Variants in IL13 observed in about 807,000 individuals in gnomAD.
IL13 encodes interleukin 13, also known as interleukin-13.
Under a neutral mutation model 11.1 loss-of-function variants are expected in IL13, and 9 were observed. That is an observed-to-expected ratio of 0.81 (90% CI 0.49 to 1.42). The LOEUF is 1.42. Among genes scored for constraint, IL13 ranks in the 40% most tolerant of loss-of-function variants. The pLI is 0.00. For synonymous variants in IL13, 75 were observed against 76.9 expected (o/e 0.97, Z 0.13); for missense variants, 181 against 182.5 (o/e 0.99, Z 0.05).
chr5:132,658,684 T>C (rs1459042816), intron 1 of IL13: 3 of 278,888 alleles, frequency 1.1e-5, no homozygotes, highest in African/African-American at 4.4e-5. Flanking sequence ...CCCAGAACCA[T>C]GTGGCATTTG....
rs200247901 is a variant in IL13 at position 132,660,267 on chromosome 5, G to A, written c.426G>A (p.Glu142=). 1 of 1,614,024 alleles carries A rather than the reference G, an allele frequency of 6.2e-7. No homozygotes were observed. The highest frequency in any genetic ancestry group is 2.2e-5 in the East Asian group (1 of 44,892). ...TACATTTAAAGAAACTTTTTCGCGAGGGACAGTTCAACTGAAACTTCGAAA... is the reference window on the plus strand; with the variant it reads ...TACATTTAAAGAAACTTTTTCGCGAAGGACAGTTCAACTGAAACTTCGAAA... ...LLLHLKKLFR[E]GQFN The change falls in exon 4 of 4, where the codon GAG becomes GAA. Residue 142 remains glutamate, a synonymous_variant. Coordinates refer to ENST00000304506, the MANE Select transcript of IL13 (RefSeq NM_002188.3).
At position 132,660,618 on chromosome 5, in the gene IL13, G is replaced by T. The variant is rs1752137188; in HGVS notation, c.*336G>T. On this transcript the variant is annotated 3_prime_UTR_variant, in exon 4 of 4. Transcript: ENST00000304506. ...CCCTTGCCAGACATGTGGTGGGACAGGGACCCACTTCACACACAGGCAACT... is the reference window on the plus strand; with the variant it reads ...CCCTTGCCAGACATGTGGTGGGACATGGACCCACTTCACACACAGGCAACT... 1.3e-5 allele frequency: 3 copies of T among 238,130 alleles called. 1 individual carries two copies. The Admixed American group carries it at 1.5e-4, about 12-fold the overall frequency. 14.8% of individuals were successfully genotyped at this position (238,130 alleles called of 1,614,324 possible). A position where few individuals can be genotyped will look rare whatever the true frequency, so the allele number is the denominator to read the frequency against.
In IL13 at chr5:132,659,193, T is replaced by C. The variant is rs1196716324; in HGVS notation, c.175-225T>C. 9.3e-6 allele frequency: 5 copies of C among 536,342 alleles called. No individual in the cohort carries two copies. The South Asian group carries it at 1.0e-4, about 11-fold the overall frequency. The allele number at this position is 536,342 out of a possible 1,614,324, so 33.2% of individuals were successfully genotyped here. On this transcript the variant is annotated intron_variant, in intron 1 of 3. Transcript: ENST00000304506. The surrounding 1 kb of genome is among the most constrained non-coding windows in gnomAD (Gnocchi z 4.1). ...GCTTGTCCCTTACTAGTGGTGTCAATTTTTTTCTCTCAGCTCCAAGACCCT... is the reference window on the plus strand; with the variant it reads ...GCTTGTCCCTTACTAGTGGTGTCAACTTTTTTCTCTCAGCTCCAAGACCCT...
chr5:132,658,482 G>A (rs1047967775), intron 1 of IL13, 122 bp downstream of exon 1: 3 of 607,360 alleles, frequency 4.9e-6, no homozygotes, highest in African/African-American at 1.9e-5. Context: ...AAATCTCCAT[G>A]GACCAAGGCC....
At position 132,660,544 on chromosome 5, in the gene IL13, A is replaced by C; in HGVS notation, c.*262A>C. ...GTGGACCCAGGGATGACATGTCCCTACACCCCTCCCCTGCCCTAGAGCACA... is the reference window on the plus strand; with the variant it reads ...GTGGACCCAGGGATGACATGTCCCTCCACCCCTCCCCTGCCCTAGAGCACA... On this transcript the variant is annotated 3_prime_UTR_variant, in exon 4 of 4. Coordinates refer to ENST00000304506, the MANE Select transcript of IL13 (RefSeq NM_002188.3). The C allele has an allele frequency of 4.5e-6, 2 of 446,516 alleles. No individual in the cohort carries two copies. Among genetic ancestry groups the C allele is most frequent in the South Asian group, 4.6e-5 (2 of 43,328 alleles). 27.7% of individuals were successfully genotyped at this position (446,516 alleles called of 1,614,324 possible).
In IL13 at chr5:132,659,775, G is replaced by C; in HGVS notation, c.280G>C (p.Glu94Gln). Residue 94 changes from glutamate to glutamine, a missense_variant, in exon 3 of 4, where the codon GAG becomes CAG. Coordinates refer to ENST00000304506, the MANE Select transcript of IL13 (RefSeq NM_002188.3). This position sits in a 1 kb window ranked among gnomAD's most constrained non-coding sequence, Gnocchi z 4.1. The part of the protein sequence containing the change: ...LINVSGCSAI[E>Q]KTQRMLSGFC... ...CAACGTGTCAGGCTGCAGTGCCATC[G>C]AGAAGACCCAGAGGATGCTGAGCGG... 1.9e-6 allele frequency: 3 copies of C among 1,613,970 alleles called. No homozygotes were observed. Among genetic ancestry groups the C allele is most frequent in the Non-Finnish European group, 2.5e-6 (3 of 1,180,020 alleles).
intron 1 of IL13, 128 bp downstream of exon 1, chr5:132,658,488 A>C (rs1752083219): frequency 5.1e-6 from 3 of 593,516 alleles, no homozygotes; most frequent in South Asian, 2.2e-5. Flanking sequence ...CCATGGACCA[A>C]GGCCCGGCCC....
Position 132,660,295 on chromosome 5 carries a change from A to T in IL13, c.*13A>T. ...ACAGTTCAACTGAAACTTCGAAAGC[A>T]TCATTATTTGCAGAGACAGGACCTG... is the stretch of plus-strand genomic sequence containing the variant. On this transcript the variant is annotated 3_prime_UTR_variant, in exon 4 of 4. Transcript: ENST00000304506. The T allele has an allele frequency of 6.2e-7, 1 of 1,613,084 alleles. No individual in the cohort carries two copies. The highest frequency in any genetic ancestry group is 8.5e-7 in the Non-Finnish European group (1 of 1,179,812).
In IL13 at chr5:132,660,479, T is replaced by G; in HGVS notation, c.*197T>G. 1.1e-6 allele frequency: 1 copy of G among 920,612 alleles called. No homozygotes were observed. The highest frequency in any genetic ancestry group is 1.5e-6 in the Non-Finnish European group (1 of 650,494). The allele number at this position is 920,612 out of a possible 1,614,324, so 57.0% of individuals were successfully genotyped here. On this transcript the variant is annotated 3_prime_UTR_variant, in exon 4 of 4. Coordinates refer to ENST00000304506, the MANE Select transcript of IL13 (RefSeq NM_002188.3). Reference sequence around the variant, plus strand: ...CCTCAGCCTTCCCCTTGCCCAGGGCTCAGCCTGGTGGGCCTCCTCTGTCCA... The same window carrying G: ...CCTCAGCCTTCCCCTTGCCCAGGGCGCAGCCTGGTGGGCCTCCTCTGTCCA...
rs1284604171 is a variant in IL13, at chr5:132,660,672, T to G, written c.*390T>G. 5.1e-6 allele frequency: 1 copy of G among 197,994 alleles called. No homozygotes were observed. Among genetic ancestry groups the G allele is most frequent in the Non-Finnish European group, 1.0e-5 (1 of 95,324 alleles). 12.3% of individuals were successfully genotyped at this position (197,994 alleles called of 1,614,324 possible). On this transcript the variant is annotated 3_prime_UTR_variant, in exon 4 of 4. Coordinates refer to ENST00000304506, the MANE Select transcript of IL13 (RefSeq NM_002188.3). ...GCAGACAGCAGCTCAGGCACACTTC[T>G]TCTTGGTCTTATTTATTATTGTGTG...
At position 132,660,562 on chromosome 5, in the gene IL13, A is replaced by G; in HGVS notation, c.*280A>G. 2.6e-6 allele frequency: 1 copy of G among 390,686 alleles called. No homozygotes were observed. The highest frequency in any genetic ancestry group is 4.7e-6 in the Non-Finnish European group (1 of 211,816). The allele number at this position is 390,686 out of a possible 1,614,324, so 24.2% of individuals were successfully genotyped here. ...TGTCCCTACACCCCTCCCCTGCCCT[A>G]GAGCACACTGTAGCATTACAGTGGG... On this transcript the variant is annotated 3_prime_UTR_variant, in exon 4 of 4. Coordinates refer to ENST00000304506, the MANE Select transcript of IL13 (RefSeq NM_002188.3).
Position 132,659,540 on chromosome 5 carries a change from T to G in IL13, c.228+69T>G. 6.4e-7 allele frequency: 1 copy of G among 1,558,628 alleles called. No individual in the cohort carries two copies. Reference sequence around the variant, plus strand: ...GCCTTGGGCTTATCTTCTCTGAGCCTCCCTTCCATGGCTGGGGTTCCAAGC... The same window carrying G: ...GCCTTGGGCTTATCTTCTCTGAGCCGCCCTTCCATGGCTGGGGTTCCAAGC... On this transcript the variant is annotated intron_variant, in intron 2 of 3. Transcript: ENST00000304506. This position sits in a 1 kb window ranked among gnomAD's most constrained non-coding sequence, Gnocchi z 4.1.
At chr5:132,658,554 T>C (rs1752084543) in intron 1 of IL13, 194 bp downstream of exon 1, 2 of 506,540 alleles carry the variant, frequency 3.9e-6, no homozygotes, top group Non-Finnish European at 7.0e-6. Context: ...GATGGACCTA[T>C]GGAGGTGTCT....
Position 132,660,296 on chromosome 5 carries a change from T to C in IL13, c.*14T>C. 6.2e-7 allele frequency: 1 copy of C among 1,612,934 alleles called. No homozygotes were observed. Among genetic ancestry groups the C allele is most frequent in the Non-Finnish European group, 8.5e-7 (1 of 1,179,766 alleles). Reference sequence around the variant, plus strand: ...CAGTTCAACTGAAACTTCGAAAGCATCATTATTTGCAGAGACAGGACCTGA... The same window carrying C: ...CAGTTCAACTGAAACTTCGAAAGCACCATTATTTGCAGAGACAGGACCTGA... On this transcript the variant is annotated 3_prime_UTR_variant, in exon 4 of 4. Transcript: ENST00000304506.
At chr5:132,658,585 C>T (rs1167741756) in intron 1 of IL13, 27 of 457,922 alleles carry the variant, frequency 5.9e-5, no homozygotes, top group Middle Eastern at 5.6e-4. Flanking sequence ...CCAGGGACTA[C>T]CTGCTCTCCT....
chr5:132,657,400 C>T (rs55950976), upstream of IL13, among the ~76,000 whole-genome samples: 2 of 152,176 alleles, frequency 1.3e-5, no homozygotes, highest in Non-Finnish European at 2.9e-5. Flanking sequence ...CACACTACTT[C>T]CAGCCACTCT....
Position 132,660,630 on chromosome 5 carries a change from A to C in IL13, c.*348A>C, listed in dbSNP as rs201420607. The C allele has an allele frequency of 2.5e-4, 56 of 219,742 alleles. No individual in the cohort carries two copies. The highest frequency in any genetic ancestry group is 1.7e-3 in the Middle Eastern group (1 of 584). The allele number at this position is 219,742 out of a possible 1,614,324, so 13.6% of individuals were successfully genotyped here. On this transcript the variant is annotated 3_prime_UTR_variant, in exon 4 of 4. Coordinates refer to ENST00000304506, the MANE Select transcript of IL13 (RefSeq NM_002188.3). ...ATGTGGTGGGACAGGGACCCACTTC[A>C]CACACAGGCAACTGAGGCAGACAGC...
rs200186367 is a variant in IL13 at position 132,658,261 on chromosome 5, C to G, written c.75C>G (p.Leu25=). 6.2e-7 allele frequency: 1 copy of G among 1,609,766 alleles called. No homozygotes were observed. The highest frequency in any genetic ancestry group is 8.5e-7 in the Non-Finnish European group (1 of 1,175,990). ...TTTTGTTGACCACGGTCATTGCTCT[C>G]ACTTGCCTTGGCGGCTTTGCCTCCC... ...MALLLTTVIA[L]TCLGGFASPG... The change falls in exon 1 of 4, where the codon CTC becomes CTG. Residue 25 remains leucine, a synonymous_variant. Transcript: ENST00000304506.
Position 132,658,277 on chromosome 5 carries a change from T to C in IL13, c.91T>C (p.Phe31Leu). 1 of 1,608,938 alleles carries C rather than the reference T, an allele frequency of 6.2e-7. No individual in the cohort carries two copies. The highest frequency in any genetic ancestry group is 1.3e-5 in the African/African-American group (1 of 74,966). The part of the protein sequence containing the change: ...TVIALTCLGG[F>L]ASPGPVPPST... ...CATTGCTCTCACTTGCCTTGGCGGC[T>C]TTGCCTCCCCAGGCCCTGTGCCTCC... Residue 31 changes from phenylalanine to leucine, a missense_variant, in exon 1 of 4, where the codon TTT (phenylalanine) becomes CTT (leucine). Phe to Leu is a conservative substitution (Grantham distance 22, BLOSUM62 0). Transcript: ENST00000304506.
Sources: gnomAD v4.1 joint callset for allele counts (sites outside exome capture counted in the v4.1 genomes callset) on GRCh38, gnomAD v4.1.1 for gene constraint, Gnocchi (gnomAD v3.1) non-coding constraint, MANE v1.5 for transcripts, NCBI Gene and HGNC (gene_info 2026-07-23, HGNC 2026-07-21) for gene names.